Variants in RNF168 observed in about 807,000 individuals in gnomAD.
RNF168 encodes the protein ring finger protein 168, also known as E3 ubiquitin-protein ligase RNF168.
Under a neutral mutation model 34.9 loss-of-function variants are expected in RNF168, and 34 were observed. The observed-to-expected ratio is 0.97, with a 90% CI of 0.74 to 1.30. The LOEUF (loss-of-function observed/expected upper bound fraction) is 1.30. Among genes scored for constraint, RNF168 ranks in the 50% most tolerant of loss-of-function variants. RNF168 has a pLI of 0.00. For missense variants in RNF168, 725 were observed against 682.5 expected, an observed-to-expected ratio of 1.06 and a Z score of -0.69; for synonymous variants, 264 against 254.7, an observed-to-expected ratio of 1.04 and a Z score of -0.35.
chr3:196,489,913 T>C (rs1732553018), intron 1 of RNF168, among the ~76,000 whole-genome samples: 1 of 152,166 alleles, frequency 6.6e-6, no homozygotes, highest in Non-Finnish European at 1.5e-5. Context: ...CACACGCATA[T>C]TTCTTTAAAG....
intron 1 of RNF168, among the ~76,000 whole-genome samples, chr3:196,490,025 A>G (rs1732556239): frequency 6.6e-6 from 1 of 152,242 alleles, no homozygotes; most frequent in African/African-American, 2.4e-5. Flanking sequence ...CACAAAGGCC[A>G]GGTTTCCATC....
chr3:196,473,876 GACTTCTATAAGTT>G (rs915085920), intron 5 of RNF168, among the ~76,000 whole-genome samples: 9 of 151,978 alleles, frequency 5.9e-5, no homozygotes, highest in East Asian at 5.8e-4. Context: ...TAAAGCTTGG[GACTTCTATAAGTT>G]ACTTCTATAA....
intron 1 of RNF168, among the ~76,000 whole-genome samples, chr3:196,493,190 G>A (rs892255137): frequency 5.3e-5 from 8 of 152,294 alleles, no homozygotes; most frequent in Non-Finnish European, 8.8e-5. Flanking sequence ...GGAAAGGCAC[G>A]TGCGATTTAC....
chr3:196,481,401 C>T (rs558091500), intron 4 of RNF168, among the ~76,000 whole-genome samples: 148 of 150,874 alleles, frequency 9.8e-4, no homozygotes, highest in African/African-American at 3.2e-3. Context: ...CGCACCACTG[C>T]GCTCTAGCCT....
At chr3:196,492,880 T>C (rs1039339793) in intron 1 of RNF168, among the ~76,000 whole-genome samples, 1 of 152,116 alleles carries the variant, frequency 6.6e-6, no homozygotes, top group African/African-American at 2.4e-5. Flanking sequence ...AATGTGGCTG[T>C]ATTACTACCA....
chr3:196,494,496 T>G (rs1732689019), intron 1 of RNF168, among the ~76,000 whole-genome samples: 1 of 152,226 alleles, frequency 6.6e-6, no homozygotes, highest in Admixed American at 6.5e-5. Flanking sequence ...AGCCTTAACT[T>G]GAACAGTTGA....
In RNF168 at chr3:196,503,355, A is replaced by T. The variant is rs949448730; in HGVS notation, c.-182T>A. 3.1e-6 allele frequency: 2 copies of T among 641,972 alleles called. No individual in the cohort carries two copies. The highest frequency in any genetic ancestry group is 5.6e-6 in the Non-Finnish European group (2 of 360,346). 39.8% of individuals were successfully genotyped at this position (641,972 alleles called of 1,614,324 possible). On this transcript the variant is annotated 5_prime_UTR_variant, in exon 1 of 6. Transcript: ENST00000318037. Reference sequence around the variant, plus strand: ...GAAGCAAAAAGGCGCTCTCAGGGTCAGGCAAACAGGAATACCCCGGAGGGC... The same window carrying T: ...GAAGCAAAAAGGCGCTCTCAGGGTCTGGCAAACAGGAATACCCCGGAGGGC...
chr3:196,479,944 G>A (rs1732247284), intron 4 of RNF168, among the ~76,000 whole-genome samples: 1 of 152,106 alleles, frequency 6.6e-6, no homozygotes, highest in African/African-American at 2.4e-5. Flanking sequence ...TCTGCCTCAT[G>A]AAAACAAAGT....
At chr3:196,476,123 G>A (rs1345675671) in intron 4 of RNF168, among the ~76,000 whole-genome samples, 1 of 152,064 alleles carries the variant, frequency 6.6e-6, no homozygotes, top group Non-Finnish European at 1.5e-5. Context: ...GCCTCCCAAA[G>A]TGCTGGGATT....
rs1732517684 is a variant in RNF168 at position 196,488,694 on chromosome 3, TCAA to T, written c.302-14_302-12del. The stretch of plus-strand genomic sequence containing the variant: ...GCTGATAGTCATCAGCTATTTCATA[TCAA>T]AAAAGAAAATAACATTATAGGCAAC... On this transcript the variant is annotated splice_polypyrimidine_tract_variant and intron_variant, in intron 1 of 5. Transcript: ENST00000318037. 1.3e-6 allele frequency: 2 copies of T among 1,569,428 alleles called. No individual in the cohort carries two copies. The highest frequency in any genetic ancestry group is 8.8e-7 in the Non-Finnish European group (1 of 1,140,436).
chr3:196,472,035 T>G lies in RNF168; in HGVS notation c.1500A>C (p.Lys500Asn). 1.2e-6 allele frequency: 2 copies of G among 1,614,054 alleles called. No homozygotes were observed. Among genetic ancestry groups the G allele is most frequent in the Non-Finnish European group, 1.7e-6 (2 of 1,179,960 alleles). The change falls in exon 6 of 6, where the codon AAA becomes AAC. Residue 500 changes from lysine (K) to asparagine (N), a missense_variant. Lys to Asn is a moderately conservative substitution (Grantham distance 94). Transcript: ENST00000318037. ...QRKNPKDGNF[K>N]RQTHTKHPTP... ...TTGGATGCTTTGTGTGAGTTTGCCT[T>G]TTGAAGTTCCCATCTTTGGGATTCT...
At chr3:196,492,526 G>C (rs556070543) in intron 1 of RNF168, among the ~76,000 whole-genome samples, 1 of 151,876 alleles carries the variant, frequency 6.6e-6, no homozygotes. Flanking sequence ...CTGTAATCCC[G>C]GCACTTTGGG....
intron 2 of RNF168, among the ~76,000 whole-genome samples, chr3:196,488,276 T>C (rs1365895986): frequency 6.6e-6 from 1 of 151,996 alleles, no homozygotes; most frequent in Non-Finnish European, 1.5e-5. Context: ...GGTCAGGAGA[T>C]CGAGACCATC....
intron 1 of RNF168, among the ~76,000 whole-genome samples, chr3:196,502,530 G>A (rs369969938): frequency 6.6e-6 from 1 of 151,938 alleles, no homozygotes. Flanking sequence ...GGAGGTTGCA[G>A]GGAGCCGAGA....
intron 4 of RNF168, among the ~76,000 whole-genome samples, chr3:196,482,537 A>ATG (rs1732322260): frequency 6.6e-6 from 1 of 152,200 alleles, no homozygotes; most frequent in Non-Finnish European, 1.5e-5. Context: ...TTCTGCAGCC[A>ATG]CGATACCACT....
rs1162668260 is a variant in RNF168, at chr3:196,503,032, T to C, written c.142A>G (p.Ser48Gly). The part of the protein sequence containing the change: ...PCFQSTVEKA[S>G]LCCPFCRRRV... Reference sequence around the variant, plus strand: ...CGGCGACAGAAGGGACAGCATAAACTCGCCTTTTCGACGGTCGACTGGAAG... The same window carrying C: ...CGGCGACAGAAGGGACAGCATAAACCCGCCTTTTCGACGGTCGACTGGAAG... The change falls in exon 1 of 6, where the codon AGT becomes GGT. Residue 48 changes from serine to glycine, a missense_variant. Transcript: ENST00000318037. The C allele has an allele frequency of 6.2e-7, 1 of 1,614,076 alleles. No homozygotes were observed. The highest frequency in any genetic ancestry group is 8.5e-7 in the Non-Finnish European group (1 of 1,180,014).
chr3:196,473,961 A>C (rs1245776365), intron 5 of RNF168, among the ~76,000 whole-genome samples: 1 of 152,098 alleles, frequency 6.6e-6, no homozygotes, highest in Middle Eastern at 3.2e-3. Flanking sequence ...TGTTTGTTAT[A>C]AGAAATAATT....
In RNF168 at chr3:196,472,469, C is replaced by T. The variant is rs772804181; in HGVS notation, c.1066G>A (p.Ala356Thr). 191 of 1,613,990 alleles carry T rather than the reference C, an allele frequency of 1.2e-4. No individual in the cohort carries two copies. The highest frequency in any genetic ancestry group is 1.6e-4 in the Non-Finnish European group (189 of 1,180,006). Residue 356 changes from alanine (A) to threonine (T), a missense_variant, in exon 6 of 6, where the codon GCC becomes ACC. Physicochemically the swap from Ala to Thr is moderately conservative, Grantham distance 58. Coordinates refer to ENST00000318037, the MANE Select transcript of RNF168 (RefSeq NM_152617.4). ...MPCGRTESGCAPTSGVTQTNG... is the reference protein window; with the variant it reads ...MPCGRTESGCTPTSGVTQTNG... ...GTCTGTGTCACCCCTGATGTGGGGGCGCACCCACTTTCTGTTCTGCCACAA... is the reference window on the plus strand; with the variant it reads ...GTCTGTGTCACCCCTGATGTGGGGGTGCACCCACTTTCTGTTCTGCCACAA...
At chr3:196,493,855 AT>A (rs376320330) in intron 1 of RNF168, among the ~76,000 whole-genome samples, 260 of 128,078 alleles carry the variant, frequency 2.0e-3, no homozygotes, top group Admixed American at 2.4e-3. Flanking sequence ...TTTTAAATTT[AT>A]TTTTTTTTTT....
Sources: allele counts gnomAD v4.1 joint callset (sites outside exome capture counted in the v4.1 genomes callset), GRCh38; gene constraint gnomAD v4.1.1; transcripts MANE v1.5; gene names NCBI Gene and HGNC (gene_info 2026-07-23, HGNC 2026-07-21).